CTDP1: variants seen among roughly 807,000 people sequenced by gnomAD.
CTDP1 encodes CTD phosphatase 1, also known as RNA polymerase II subunit A C-terminal domain phosphatase.
A neutral mutation model predicts 91.8 loss-of-function variants in CTDP1; 47 were observed. The ratio of observed to expected loss-of-function variants is 0.51; its 90% CI spans 0.41 to 0.65. CTDP1 has a LOEUF of 0.65. Ranked by LOEUF, CTDP1 falls within the 30% of genes least tolerant of loss-of-function variation. The pLI is 0.00. For synonymous variants in CTDP1, 656 were observed against 598.5 expected (o/e 1.10, Z -1.40); for missense variants, 1,272 against 1,373.7 (o/e 0.93, Z 1.17).
intron 12 of CTDP1, among the ~76,000 whole-genome samples, chr18:79,744,226 T>C (rs2086835718): frequency 6.6e-6 from 1 of 152,164 alleles, no homozygotes; most frequent in East Asian, 1.9e-4. Flanking sequence ...CTAAAATGTG[T>C]AAAACAGAGC....
chr18:79,682,229 G>A (rs1374195766), intron 1 of CTDP1, among the ~76,000 whole-genome samples: 1 of 152,206 alleles, frequency 6.6e-6, no homozygotes. Context: ...GTTGGGAGCC[G>A]GTATGTGTTG....
intron 1 of CTDP1, among the ~76,000 whole-genome samples, chr18:79,690,952 C>T (rs757055056): frequency 5.3e-5 from 8 of 152,228 alleles, no homozygotes; most frequent in Non-Finnish European, 1.0e-4. Context: ...TGGAAGCCTG[C>T]GGAGTGCTGC....
At chr18:79,687,672 G>A (rs1018504678) in intron 1 of CTDP1, among the ~76,000 whole-genome samples, 19 of 151,700 alleles carry the variant, frequency 1.3e-4, no homozygotes, top group Non-Finnish European at 2.2e-4. Flanking sequence ...TGGTGGGCCT[G>A]CACCGCAGCA....
chr18:79,723,854 G>T (rs903203117), intron 10 of CTDP1, among the ~76,000 whole-genome samples: 82 of 152,126 alleles, frequency 5.4e-4, no homozygotes, highest in Non-Finnish European at 8.4e-4. Context: ...TGCTGTGTAC[G>T]GCAAGTCGGC....
chr18:79,694,893 TATAA>T lies in CTDP1; in HGVS notation c.315-328_315-325del, dbSNP rs1397490861. Among the ~76,000 whole-genome samples the T allele has an allele frequency of 8.5e-5, 13 of 152,374 alleles. No individual in the cohort carries two copies. In the East Asian group the frequency reaches 2.3e-3, roughly 27 times the overall value. The stretch of plus-strand genomic sequence containing the variant: ...CTAACGGAAATGTCAGAGGATCACA[TATAA>T]ATAGTGTGTTTTGAGACAACTTTAT... On this transcript the variant is annotated intron_variant, in intron 1 of 12. Transcript: ENST00000613122.
intron 12 of CTDP1, among the ~76,000 whole-genome samples, chr18:79,748,842 A>G (rs976224813): frequency 1.3e-4 from 19 of 150,806 alleles, no homozygotes; most frequent in African/African-American, 4.6e-4. Context: ...GTGACTGCAC[A>G]TGAGCCGTGT....
chr18:79,679,263 CA>C, upstream of CTDP1: 1 of 385,680 alleles, frequency 2.6e-6, no homozygotes, highest in Middle Eastern at 8.1e-4. Flanking sequence ...CCGCAACCCC[CA>C]AGCTCCCGCG....
intron 4 of CTDP1, among the ~76,000 whole-genome samples, chr18:79,702,057 G>A (rs891158752): frequency 6.6e-6 from 1 of 152,262 alleles, no homozygotes; most frequent in African/African-American, 2.4e-5. Flanking sequence ...CAACTTAGTT[G>A]GTAAACCAGC....
chr18:79,733,161 G>C (rs575829196), intron 11 of CTDP1, among the ~76,000 whole-genome samples: 5 of 151,898 alleles, frequency 3.3e-5, no homozygotes, highest in Non-Finnish European at 2.9e-5. Flanking sequence ...CTCACGCCAC[G>C]GCCTCGGCAC....
chr18:79,683,043 C>T (rs2122354759), intron 1 of CTDP1: 1 of 152,332 alleles, frequency 6.6e-6, no homozygotes, highest in East Asian at 1.9e-4. Context: ...CCAGCAACAG[C>T]TCCGCGGTTC....
intron 12 of CTDP1, among the ~76,000 whole-genome samples, chr18:79,751,405 C>G (rs2086998027): frequency 6.6e-6 from 1 of 152,142 alleles, no homozygotes; most frequent in Admixed American, 6.5e-5. Flanking sequence ...TGCCTGCCAC[C>G]TGGACAGGAC....
At chr18:79,743,049 G>A (rs925951238) in intron 12 of CTDP1, among the ~76,000 whole-genome samples, 15 of 152,242 alleles carry the variant, frequency 9.9e-5, no homozygotes, top group Non-Finnish European at 2.9e-5. Flanking sequence ...GCCGAGGAGG[G>A]GCCTAGGATT....
chr18:79,695,131 G>T, intron 1 of CTDP1, 94 bp from the exon 2 acceptor site: 1 of 1,116,514 alleles, frequency 9.0e-7, no homozygotes, highest in Non-Finnish European at 1.4e-6. Flanking sequence ...GTGTAGAATT[G>T]GTACAAAAAC....
rs2122634156 is a variant in CTDP1, at chr18:79,715,129, G to A, written c.1669G>A (p.Glu557Lys). The A allele has an allele frequency of 6.2e-7, 1 of 1,613,570 alleles. No homozygotes were observed. The highest frequency in any genetic ancestry group is 2.2e-5 in the East Asian group (1 of 44,866). Residue 557 changes from glutamate to lysine, a missense_variant, in exon 8 of 13, where the codon GAG becomes AAG. Physicochemically the swap from Glu to Lys is moderately conservative, Grantham distance 56 (BLOSUM62 1). This residue lies in a region of CTDP1 where 881 missense variants were observed against 911.6 expected (regional missense o/e 0.97). Coordinates refer to ENST00000613122, the MANE Select transcript of CTDP1 (RefSeq NM_004715.5). Reference protein sequence around the residue: ...GCADRKEAETESQNSELSGVT... With the variant: ...GCADRKEAETKSQNSELSGVT... ...TGCCGACAGGAAGGAGGCGGAGACC[G>A]AGTCACAGAACAGCGAGCTGTCGGG... is the stretch of plus-strand genomic sequence containing the variant.
chr18:79,722,623 G>A (rs1189415876), intron 10 of CTDP1, among the ~76,000 whole-genome samples: 5 of 152,202 alleles, frequency 3.3e-5, no homozygotes, highest in African/African-American at 1.2e-4. Context: ...ATGCATCTTT[G>A]TCACGTTAAG....
chr18:79,690,680 GCA>G, intron 1 of CTDP1, among the ~76,000 whole-genome samples: 1 of 152,186 alleles, frequency 6.6e-6, no homozygotes. Flanking sequence ...CCCAGCCTTT[GCA>G]CACACAGACA....
chr18:79,714,405 T>A, intron 7 of CTDP1, 86 bp from the exon 8 acceptor site: 1 of 1,486,566 alleles, frequency 6.7e-7, no homozygotes, highest in Non-Finnish European at 9.3e-7. Context: ...TTCACAGCCA[T>A]GGAGAAGGGT....
chr18:79,707,079 C>T (rs2085981438), intron 5 of CTDP1, among the ~76,000 whole-genome samples: 1 of 152,234 alleles, frequency 6.6e-6, no homozygotes, highest in East Asian at 1.9e-4. Flanking sequence ...TCGATGTTTG[C>T]TGGTCAGAGC....
chr18:79,749,510 C>T (rs1027332792), intron 12 of CTDP1, among the ~76,000 whole-genome samples: 1 of 151,886 alleles, frequency 6.6e-6, no homozygotes, highest in African/African-American at 2.4e-5. Context: ...GCGCCCCGTG[C>T]ACACGAGATC....
Sources: allele counts gnomAD v4.1 joint callset (sites outside exome capture counted in the v4.1 genomes callset), GRCh38; gene constraint gnomAD v4.1.1; regional missense constraint gnomAD v4.1.1; transcripts MANE v1.5; gene names NCBI Gene and HGNC (gene_info 2026-07-23, HGNC 2026-07-21).